The following ARHGEF2 variants were observed in gnomAD, a reference collection of about 807,000 sequenced individuals.
ARHGEF2 encodes the protein Rho/Rac guanine nucleotide exchange factor 2.
A neutral mutation model predicts 121.0 loss-of-function variants in ARHGEF2; 22 were observed. That is an observed-to-expected ratio of 0.18 (90% CI 0.13 to 0.26). ARHGEF2 has a LOEUF of 0.26. Ranked by LOEUF, ARHGEF2 falls within the 10% of genes least tolerant of loss-of-function variation. The probability of loss-of-function intolerance (pLI) is 1.00; values close to 1 mark genes in which losing one functional copy is unlikely to be tolerated. For synonymous variants in ARHGEF2, 487 were observed against 530.0 expected, an observed-to-expected ratio of 0.92 and a Z score of 1.11; for missense variants, 907 against 1,336.0, an observed-to-expected ratio of 0.68 and a Z score of 5.01.
At chr1:155,964,167 A>ATATAT (rs1449851145) in intron 7 of ARHGEF2, among the ~76,000 whole-genome samples, 15 of 91,108 alleles carry the variant, frequency 1.6e-4, no homozygotes, top group African/African-American at 8.5e-4. Flanking sequence ...AAAAAAAAAA[A>ATATAT]ATATATATAT....
Position 155,962,799 on chromosome 1 carries a change from C to A in ARHGEF2, c.976-81G>T. Reference sequence around the variant, plus strand: ...CACTGGACACACCTCTGGCCTCCTGCCAAACAGGCTGGCTTCCTGTTTCTC... The same window carrying A: ...CACTGGACACACCTCTGGCCTCCTGACAAACAGGCTGGCTTCCTGTTTCTC... On this transcript the variant is annotated intron_variant, in intron 8 of 21. Coordinates refer to ENST00000361247, the MANE Select transcript of ARHGEF2 (RefSeq NM_001162383.2). This position sits in a 1 kb window ranked among gnomAD's most constrained non-coding sequence, Gnocchi z 5.8. 1.3e-6 allele frequency: 2 copies of A among 1,598,876 alleles called. No homozygotes were observed.
At chr1:155,956,260 G>A (rs34802187) in intron 13 of ARHGEF2, among the ~76,000 whole-genome samples, 11,617 of 151,836 alleles carry the variant, frequency 0.077, 481 homozygotes, top group Middle Eastern at 0.11. Flanking sequence ...CACCACGCCC[G>A]GCTAATTTTT....
In ARHGEF2 at chr1:155,958,358, G is replaced by C; in HGVS notation, c.1507C>G (p.Leu503Val). The C allele has an allele frequency of 6.2e-7, 1 of 1,613,990 alleles. No homozygotes were observed. The change falls in exon 12 of 22, where the codon CTC becomes GTC. Residue 503 changes from leucine (L) to valine (V), a missense_variant. Coordinates refer to ENST00000361247, the MANE Select transcript of ARHGEF2 (RefSeq NM_001162383.2). ...ATGTACTTCTGGTCCTTTTCCTGGA[G>C]AAACACCAGTACATCTGTCATCAGC... ...VLLMTDVLVF[L>V]QEKDQKYIFP...
intron 7 of ARHGEF2, among the ~76,000 whole-genome samples, chr1:155,964,184 A>ATGTATG (rs1558031353): frequency 2.8e-5 from 3 of 107,274 alleles, no homozygotes; most frequent in Non-Finnish European, 5.6e-5. Flanking sequence ...ATATATATAT[A>ATGTATG]TATATATATA....
intron 11 of ARHGEF2, among the ~76,000 whole-genome samples, chr1:155,958,678 C>T (rs999163546): frequency 6.6e-6 from 1 of 150,596 alleles, no homozygotes; most frequent in African/African-American, 2.4e-5. Context: ...CGGGTTCAAG[C>T]GATTCTCCTA....
At chr1:155,970,183 T>C (rs1319161788) in intron 1 of ARHGEF2, 8 of 985,402 alleles carry the variant, frequency 8.1e-6, no homozygotes, top group African/African-American at 1.7e-5. Flanking sequence ...TAGGAAGTCC[T>C]TTCTGACATC....
At chr1:155,964,165 A>T (rs374203358) in intron 7 of ARHGEF2, among the ~76,000 whole-genome samples, 79,023 of 92,876 alleles carry the variant, frequency 0.85, 33,486 homozygotes, top group Non-Finnish European at 0.91. Flanking sequence ...AAAAAAAAAA[A>T]AAATATATAT....
intron 1 of ARHGEF2, among the ~76,000 whole-genome samples, chr1:155,975,557 G>A (rs1681159424): frequency 6.6e-6 from 1 of 151,838 alleles, no homozygotes; most frequent in South Asian, 2.1e-4. Flanking sequence ...CAGCCACCAG[G>A]AGGACCCCCC....
At chr1:155,964,199 C>CACATAT (rs1678835152) in intron 7 of ARHGEF2, among the ~76,000 whole-genome samples, 3 of 45,126 alleles carry the variant, frequency 6.6e-5, no homozygotes, top group Non-Finnish European at 1.3e-4. Context: ...TATATATATA[C>CACATAT]ATATATATAT....
rs1490091624 is a variant in ARHGEF2 at position 155,965,971 on chromosome 1, A to C, written c.341-211T>G. On this transcript the variant is annotated intron_variant, in intron 4 of 21. Transcript: ENST00000361247. The surrounding 1 kb of genome is among the most constrained non-coding windows in gnomAD (Gnocchi z 6.0). ...TTTTCTTACTTATCTCCTCCCTGAC[A>C]TAAGCCTATAAACAAACAGGAGCTC... is the stretch of plus-strand genomic sequence containing the variant. 2.0e-5 allele frequency among the ~76,000 whole-genome samples: 3 copies of C among 152,206 alleles called. No homozygotes were observed. Among genetic ancestry groups the C allele is most frequent in the Admixed American group, 1.3e-4 (2 of 15,286 alleles).
Position 155,950,929 on chromosome 1 carries a change from G to T in ARHGEF2, c.2603C>A (p.Pro868Gln). The T allele has an allele frequency of 6.2e-7, 1 of 1,605,604 alleles. No individual in the cohort carries two copies. The highest frequency in any genetic ancestry group is 8.5e-7 in the Non-Finnish European group (1 of 1,175,140). ...GGCCCAGGGGGCCTCAGCTGGGAGT[G>T]GCTCGGTCTGGCCCAGGGCGGCCAG... The part of the protein sequence containing the change: ...RQLAALGQTE[P>Q]LPAEAPWARR... The change falls in exon 20 of 22, where the codon CCA becomes CAA. Residue 868 changes from proline to glutamine, a missense_variant. Pro to Gln is a moderately conservative substitution (Grantham distance 76). Around this residue, in one of 2 missense-constraint regions of ARHGEF2, gnomAD observed 432 missense variants for 559.5 expected, o/e 0.77. Coordinates refer to ENST00000361247, the MANE Select transcript of ARHGEF2 (RefSeq NM_001162383.2). This position sits in a 1 kb window ranked among gnomAD's most constrained non-coding sequence, Gnocchi z 5.2.
chr1:155,978,955 C>A (rs1681855118), upstream of ARHGEF2: 5 of 985,646 alleles, frequency 5.1e-6, no homozygotes, highest in Non-Finnish European at 6.0e-6. This position sits in a 1 kb window ranked among gnomAD's most constrained non-coding sequence, Gnocchi z 4.1. Flanking sequence ...TCCATCCGCC[C>A]CCAGCTCTTA....
intron 1 of ARHGEF2, chr1:155,970,724 G>A (rs1680290100): frequency 1.0e-6 from 1 of 986,084 alleles, no homozygotes; most frequent in South Asian, 4.7e-5. Context: ...TGGTGCTTGG[G>A]GCAGAAAATG....
At chr1:155,952,920 G>T in intron 14 of ARHGEF2, 92 bp from the exon 15 acceptor site, 1 of 1,196,410 alleles carries the variant, frequency 8.4e-7, no homozygotes. Context: ...GGGTAGGGTG[G>T]GGCAGTGTGG....
chr1:155,958,404 G>C lies in ARHGEF2; in HGVS notation c.1469-8C>G, dbSNP rs1324649283. 6.2e-7 allele frequency: 1 copy of C among 1,612,520 alleles called. No individual in the cohort carries two copies. The highest frequency in any genetic ancestry group is 1.1e-5 in the South Asian group (1 of 91,004). On this transcript the variant is annotated splice_polypyrimidine_tract_variant and splice_region_variant and intron_variant, in intron 11 of 21. Transcript: ENST00000361247. ...TCAGCAGCACTAGCACATCTGGAAG[G>C]GGATGAAGGTGGGAGAACAGTCAGC...
rs1299166544 is a variant in ARHGEF2, at chr1:155,978,407, G to A, written c.21C>T (p.Leu7=). 1 of 1,518,458 alleles carries A rather than the reference G, an allele frequency of 6.6e-7. No individual in the cohort carries two copies. The highest frequency in any genetic ancestry group is 8.9e-7 in the Non-Finnish European group (1 of 1,124,068). 94.1% of individuals were successfully genotyped at this position (1,518,458 alleles called of 1,614,324 possible). A position where few individuals can be genotyped will look rare whatever the true frequency, so the allele number is the denominator to read the frequency against. MSRIES[L]TRARIDRSRE... is the part of the protein sequence containing the mutation. ...TGCTCCGGTCGATCCGCGCCCGCGT[G>A]AGGGATTCGATCCGAGACATAATCG... Residue 7 remains leucine (L), a synonymous_variant, in exon 1 of 22, where the codon CTC becomes CTT. Coordinates refer to ENST00000361247, the MANE Select transcript of ARHGEF2 (RefSeq NM_001162383.2). This position sits in a 1 kb window ranked among gnomAD's most constrained non-coding sequence, Gnocchi z 4.1.
rs1330175693 is a variant in ARHGEF2 at position 155,952,891 on chromosome 1, G to T, written c.1784-63C>A. On this transcript the variant is annotated intron_variant, in intron 14 of 21. Coordinates refer to ENST00000361247, the MANE Select transcript of ARHGEF2 (RefSeq NM_001162383.2). ...AGGGGTATGCAAGAGCGCCAGTAGA[G>T]GACAGCCCTAGGGGAGAGGGGTAGG... 3 of 1,534,322 alleles carry T rather than the reference G, an allele frequency of 2.0e-6. No homozygotes were observed. In the East Asian group the frequency reaches 6.8e-5, roughly 35 times the overall value.
chr1:155,956,925 G>C (rs530557847), intron 13 of ARHGEF2, among the ~76,000 whole-genome samples: 1 of 148,658 alleles, frequency 6.7e-6, no homozygotes, highest in Non-Finnish European at 1.5e-5. Flanking sequence ...GCCTGGGGTC[G>C]TGGTGGGCAC....
At chr1:155,952,336 G>T in intron 15 of ARHGEF2, 101 bp from the exon 16 acceptor site, 2 of 1,511,780 alleles carry the variant, frequency 1.3e-6, no homozygotes, top group Non-Finnish European at 1.8e-6. Flanking sequence ...CTGGGGGAAT[G>T]CCCCCTGCAC....
Sources: allele counts gnomAD v4.1 joint callset (sites outside exome capture counted in the v4.1 genomes callset), GRCh38; gene constraint gnomAD v4.1.1; regional missense constraint gnomAD v4.1.1; non-coding constraint Gnocchi (gnomAD v3.1); transcripts MANE v1.5; gene names NCBI Gene and HGNC (gene_info 2026-07-23, HGNC 2026-07-21).